Variants in TECRL observed in about 807,000 individuals in gnomAD.
TECRL encodes the protein trans-2,3-enoyl-CoA reductase like.
A neutral mutation model predicts 52.8 loss-of-function variants in TECRL; 63 were observed. The ratio of observed to expected loss-of-function variants is 1.19; its 90% CI spans 0.97 to 1.47. TECRL has a LOEUF of 1.47. Ranked by LOEUF, TECRL falls within the 40% of genes most tolerant of loss-of-function variation. The pLI, the probability that TECRL is intolerant of heterozygous loss-of-function variation, is 0.00. For synonymous variants in TECRL, 164 were observed against 141.9 expected, an observed-to-expected ratio of 1.16 and a Z score of -1.10; for missense variants, 482 against 429.6, an observed-to-expected ratio of 1.12 and a Z score of -1.08.
Position 64,345,312 on chromosome 4 carries a change from C to T in TECRL, c.287-16756G>A, listed in dbSNP as rs552919865. On this transcript the variant is annotated intron_variant, in intron 2 of 11. Transcript: ENST00000381210. The stretch of plus-strand genomic sequence containing the variant: ...ACTTAGAACCAACCCAAATGTCCAA[C>T]AATGATAGACTGGATTAAGAAAATG... 3.8e-3 allele frequency among the ~76,000 whole-genome samples: 584 copies of T among 152,106 alleles called. 1 individual carries two copies. The highest frequency in any genetic ancestry group is 0.013 in the African/African-American group (549 of 41,470).
intron 1 of TECRL, among the ~76,000 whole-genome samples, chr4:64,399,612 T>A (rs1724210445): frequency 6.6e-6 from 1 of 152,120 alleles, no homozygotes; most frequent in Non-Finnish European, 1.5e-5. Context: ...CCTGCTGCCT[T>A]GCCTAGACCC....
rs1722658454 is a variant in TECRL, at chr4:64,278,488, G to C, written c.*1584C>G. The C allele has an allele frequency of 4.0e-6, 1 of 251,838 alleles. No homozygotes were observed. 15.6% of individuals were successfully genotyped at this position (251,838 alleles called of 1,614,324 possible). A position where few individuals can be genotyped will look rare whatever the true frequency, so the allele number is the denominator to read the frequency against. On this transcript the variant is annotated 3_prime_UTR_variant, in exon 12 of 12. Coordinates refer to ENST00000381210, the MANE Select transcript of TECRL (RefSeq NM_001010874.5). The stretch of plus-strand genomic sequence containing the variant: ...TTTTAAATTAAATTTTATTTTTTGA[G>C]CGACATAAGAATTGAACATATTTGG...
intron 5 of TECRL, among the ~76,000 whole-genome samples, chr4:64,310,597 G>T (rs1469850915): frequency 1.3e-5 from 2 of 151,950 alleles, no homozygotes; most frequent in African/African-American, 4.8e-5. Flanking sequence ...ATATTTTTCT[G>T]GATATACTAT....
chr4:64,362,112 G>A (rs181252922), intron 2 of TECRL, among the ~76,000 whole-genome samples: 4 of 152,172 alleles, frequency 2.6e-5, no homozygotes, highest in East Asian at 3.9e-4. Flanking sequence ...CTCGGAGCTT[G>A]AAGACTGCTC....
chr4:64,281,676 G>A (rs1392442028), intron 9 of TECRL, 117 bp from the exon 10 acceptor site: 11 of 567,250 alleles, frequency 1.9e-5, no homozygotes, highest in Admixed American at 1.1e-4. Context: ...ATGTCATCAC[G>A]TATTTATAGT....
intron 1 of TECRL, among the ~76,000 whole-genome samples, chr4:64,392,362 A>G (rs1342025656): frequency 6.6e-6 from 1 of 151,858 alleles, no homozygotes; most frequent in African/African-American, 2.4e-5. Flanking sequence ...ATCACCAACT[A>G]TTTAGTCCAA....
At chr4:64,320,104 G>A (rs1377335984) in intron 4 of TECRL, among the ~76,000 whole-genome samples, 1 of 151,736 alleles carries the variant, frequency 6.6e-6, no homozygotes, top group Non-Finnish European at 1.5e-5. Context: ...TACAAAAATG[G>A]TGAAAACTGC....
chr4:64,343,874 T>C (rs956012334), intron 2 of TECRL, among the ~76,000 whole-genome samples: 1 of 152,000 alleles, frequency 6.6e-6, no homozygotes, highest in Non-Finnish European at 1.5e-5. Context: ...GAACAAAATG[T>C]CATGGCTTGT....
intron 1 of TECRL, among the ~76,000 whole-genome samples, chr4:64,382,191 GTATA>G (rs200934355): frequency 0.062 from 795 of 12,830 alleles, 2 homozygotes; most frequent in Non-Finnish European, 0.12. Context: ...GGAAATTTCT[GTATA>G]TATATATATA....
At chr4:64,399,040 T>C (rs1724160387) in intron 1 of TECRL, among the ~76,000 whole-genome samples, 1 of 152,146 alleles carries the variant, frequency 6.6e-6, no homozygotes, top group South Asian at 2.1e-4. Flanking sequence ...TATTTTGTTG[T>C]TGTTGTTCTT....
chr4:64,388,665 T>A (rs1723344526), intron 1 of TECRL, among the ~76,000 whole-genome samples: 1 of 151,934 alleles, frequency 6.6e-6, no homozygotes, highest in Non-Finnish European at 1.5e-5. Flanking sequence ...ACATAAAGTA[T>A]CTCTCCATAT....
At chr4:64,312,643 A>G (rs1397820374) in intron 5 of TECRL, among the ~76,000 whole-genome samples, 3 of 151,884 alleles carry the variant, frequency 2.0e-5, no homozygotes, top group Non-Finnish European at 4.4e-5. Flanking sequence ...GTGTACACCT[A>G]TAGTCTCAGC....
chr4:64,392,966 A>G (rs757657930), intron 1 of TECRL, among the ~76,000 whole-genome samples: 6 of 151,922 alleles, frequency 3.9e-5, no homozygotes, highest in Non-Finnish European at 8.8e-5. Context: ...GCATCAAGTT[A>G]TATACTAGTC....
chr4:64,280,988 T>G, intron 11 of TECRL, 53 bp downstream of exon 11: 2 of 1,362,268 alleles, frequency 1.5e-6, no homozygotes, highest in Non-Finnish European at 2.1e-6. Context: ...CAGAAACCAT[T>G]TATCTTAAAG....
At chr4:64,375,625 G>A (rs187300231) in intron 1 of TECRL, among the ~76,000 whole-genome samples, 30 of 151,820 alleles carry the variant, frequency 2.0e-4, no homozygotes, top group African/African-American at 6.7e-4. Flanking sequence ...TAATTTATAT[G>A]GACAAATGAG....
intron 2 of TECRL, among the ~76,000 whole-genome samples, chr4:64,369,740 C>G (rs541963627): frequency 1.3e-4 from 20 of 151,894 alleles, no homozygotes; most frequent in Admixed American, 1.2e-3. Context: ...CCTAAATGAT[C>G]ATAGTATTGT....
intron 4 of TECRL, among the ~76,000 whole-genome samples, chr4:64,317,490 A>T (rs184203472): frequency 8.6e-4 from 131 of 152,340 alleles, no homozygotes; most frequent in Non-Finnish European, 1.5e-3. Flanking sequence ...AGTTAAAAAA[A>T]TGTATATTTC....
chr4:64,403,476 C>CGCACACACACAG (rs1724499814), intron 1 of TECRL, among the ~76,000 whole-genome samples: 1 of 15,992 alleles, frequency 6.3e-5, no homozygotes, highest in Admixed American at 6.7e-4. Flanking sequence ...TCCCTGAGCG[C>CGCACACACACAG]ACACACACAC....
intron 1 of TECRL, among the ~76,000 whole-genome samples, chr4:64,389,243 C>A (rs1308365956): frequency 6.6e-6 from 1 of 151,876 alleles, no homozygotes; most frequent in African/African-American, 2.4e-5. Context: ...AATGACGTGA[C>A]CTGTAGGTCT....
Sources: allele counts gnomAD v4.1 joint callset (sites outside exome capture counted in the v4.1 genomes callset), GRCh38; gene constraint gnomAD v4.1.1; transcripts MANE v1.5; gene names NCBI Gene and HGNC (gene_info 2026-07-23, HGNC 2026-07-21).